The following ADAMTS2 variants were observed in gnomAD, a reference collection of about 807,000 sequenced individuals.
The protein encoded by ADAMTS2 is A disintegrin and metalloproteinase with thrombospondin motifs 2.
In ADAMTS2, 50 loss-of-function variants were observed where a neutral mutation model predicts 123.0. The observed-to-expected ratio is 0.41, with a 90% CI of 0.32 to 0.51. ADAMTS2 has a LOEUF of 0.51. Ranked by LOEUF, ADAMTS2 falls within the 20% of genes least tolerant of loss-of-function variation. ADAMTS2 has a pLI of 0.35. For missense variants in ADAMTS2, 1,494 were observed against 1,705.2 expected, an observed-to-expected ratio of 0.88 and a Z score of 2.18; for synonymous variants, 678 against 695.4, an observed-to-expected ratio of 0.98 and a Z score of 0.39.
At chr5:179,123,205 C>T (rs907415251) in intron 19 of ADAMTS2, among the ~76,000 whole-genome samples, 5 of 152,188 alleles carry the variant, frequency 3.3e-5, no homozygotes, top group Admixed American at 6.5e-5. Context: ...GAGGGTCCAC[C>T]ACTAGTGCCC....
At position 179,115,906 on chromosome 5, in the gene ADAMTS2, G is replaced by A. The variant is rs552360121; in HGVS notation, c.3179-1582C>T. 2.1e-4 allele frequency among the ~76,000 whole-genome samples: 32 copies of A among 152,212 alleles called. No homozygotes were observed. The highest frequency in any genetic ancestry group is 7.5e-4 in the African/African-American group (31 of 41,520). On this transcript the variant is annotated intron_variant, in intron 21 of 21. Coordinates refer to ENST00000251582, the MANE Select transcript of ADAMTS2 (RefSeq NM_014244.5). The surrounding 1 kb of genome is among the most constrained non-coding windows in gnomAD (Gnocchi z 4.4). ...CTGTAATTTTCCCTTAGAAGCTGGT[G>A]ACAGACCACCAGCTCCAAACCCCTG...
intron 5 of ADAMTS2, among the ~76,000 whole-genome samples, chr5:179,171,200 G>C (rs1399685463): frequency 6.6e-6 from 1 of 152,180 alleles, no homozygotes; most frequent in Non-Finnish European, 1.5e-5. Context: ...AAAACAGCCA[G>C]GTCTTTGGCA....
intron 4 of ADAMTS2, among the ~76,000 whole-genome samples, chr5:179,206,444 G>A (rs1046074336): frequency 6.6e-6 from 1 of 152,186 alleles, no homozygotes; most frequent in African/African-American, 2.4e-5. Context: ...CGGCCCCAGA[G>A]GACCTCATTC....
intron 3 of ADAMTS2, among the ~76,000 whole-genome samples, chr5:179,231,857 G>A (rs1765417842): frequency 6.6e-6 from 1 of 150,900 alleles, no homozygotes; most frequent in South Asian, 2.1e-4. Flanking sequence ...AGAGGCTGCA[G>A]TGAGCCATGA....
intron 5 of ADAMTS2, among the ~76,000 whole-genome samples, chr5:179,168,265 CGGGTGGGGGGAG>C: frequency 6.6e-6 from 1 of 152,264 alleles, no homozygotes. Context: ...AAATGTCCCC[CGGGTGGGGGGAG>C]GGGTGGCAAA....
intron 3 of ADAMTS2, among the ~76,000 whole-genome samples, chr5:179,221,956 G>A (rs1484926557): frequency 6.6e-6 from 1 of 152,256 alleles, no homozygotes; most frequent in South Asian, 2.1e-4. Flanking sequence ...CTGGCTGTGG[G>A]ATCTTCTCTC....
chr5:179,231,937 GAAAAAGAA>G (rs1402662200), intron 3 of ADAMTS2, among the ~76,000 whole-genome samples: 17 of 45,532 alleles, frequency 3.7e-4, no homozygotes, highest in Admixed American at 2.9e-3. Flanking sequence ...AAAGAAAAAA[GAAAAAGAA>G]AAAAAAAAAG....
At chr5:179,281,128 G>T (rs1274638624) in intron 2 of ADAMTS2, among the ~76,000 whole-genome samples, 1 of 152,212 alleles carries the variant, frequency 6.6e-6, no homozygotes, top group East Asian at 1.9e-4. Flanking sequence ...AAAGTGCTGG[G>T]ATTACAGGCA....
intron 3 of ADAMTS2, among the ~76,000 whole-genome samples, chr5:179,230,034 C>T (rs1430306476): frequency 3.3e-5 from 5 of 152,212 alleles, no homozygotes; most frequent in Non-Finnish European, 7.3e-5. Context: ...GAGCTATAAG[C>T]CTCTCATGGA....
chr5:179,320,616 C>T (rs1757142676), intron 2 of ADAMTS2, among the ~76,000 whole-genome samples: 1 of 152,080 alleles, frequency 6.6e-6, no homozygotes, highest in Non-Finnish European at 1.5e-5. Context: ...CTGTTCCTGG[C>T]CCACCCTTCT....
chr5:179,329,146 T>C (rs1054375849), intron 2 of ADAMTS2, among the ~76,000 whole-genome samples: 2 of 151,570 alleles, frequency 1.3e-5, no homozygotes, highest in East Asian at 1.9e-4. Context: ...GCTAACACGG[T>C]GAAACCCCGT....
At chr5:179,216,420 T>A (rs909836961) in intron 3 of ADAMTS2, among the ~76,000 whole-genome samples, 3 of 149,222 alleles carry the variant, frequency 2.0e-5, no homozygotes, top group African/African-American at 7.5e-5. Context: ...GTTTCCAGCT[T>A]TCCCCCCACC....
chr5:179,299,203 C>T (rs991321405), intron 2 of ADAMTS2, among the ~76,000 whole-genome samples: 37 of 151,790 alleles, frequency 2.4e-4, no homozygotes, highest in African/African-American at 8.7e-4. Context: ...GTTTGTATAG[C>T]TGTAACAAAT....
chr5:179,291,281 G>T (rs1364566168), intron 2 of ADAMTS2, among the ~76,000 whole-genome samples: 1 of 152,228 alleles, frequency 6.6e-6, no homozygotes, highest in African/African-American at 2.4e-5. Flanking sequence ...GGGCTCTGGT[G>T]TTCAGGGGTG....
intron 3 of ADAMTS2, among the ~76,000 whole-genome samples, chr5:179,255,149 C>T (rs563867705): frequency 2.6e-5 from 4 of 151,518 alleles, no homozygotes; most frequent in East Asian, 1.9e-4. Flanking sequence ...AGTGGGTAGA[C>T]GAATGAATAC....
At chr5:179,286,832 T>C (rs1430084680) in intron 2 of ADAMTS2, among the ~76,000 whole-genome samples, 1 of 152,176 alleles carries the variant, frequency 6.6e-6, no homozygotes, top group Non-Finnish European at 1.5e-5. Flanking sequence ...GCCTCTCTCC[T>C]TGGCTTGTCG....
chr5:179,280,002 C>T (rs548905526), intron 2 of ADAMTS2, among the ~76,000 whole-genome samples: 24 of 152,330 alleles, frequency 1.6e-4, no homozygotes, highest in East Asian at 5.8e-4. Context: ...TCTTGGAGAG[C>T]GACCCCTTGT....
At chr5:179,229,848 T>C (rs1385380493) in intron 3 of ADAMTS2, among the ~76,000 whole-genome samples, 2 of 152,024 alleles carry the variant, frequency 1.3e-5, no homozygotes, top group Admixed American at 6.5e-5. Flanking sequence ...TTTTCACAAC[T>C]CCCCTTTCTC....
In ADAMTS2 at chr5:179,180,970, T is replaced by G. The variant is rs922822369; in HGVS notation, c.975+102A>C. 2.3e-6 allele frequency: 2 copies of G among 884,774 alleles called. No homozygotes were observed. The highest frequency in any genetic ancestry group is 3.7e-5 in the Admixed American group (2 of 53,698). The allele number at this position is 884,774 out of a possible 1,614,324, so 54.8% of individuals were successfully genotyped here. ...GGGGAGCCAGGGAGAGGCAGGGTGG[T>G]TCTGGCAAACGCACACACTCTCCAA... On this transcript the variant is annotated intron_variant, in intron 5 of 21. Transcript: ENST00000251582. The surrounding 1 kb of genome is among the most constrained non-coding windows in gnomAD (Gnocchi z 4.6).
Sources: gnomAD v4.1 joint callset for allele counts (sites outside exome capture counted in the v4.1 genomes callset) on GRCh38, gnomAD v4.1.1 for gene constraint, Gnocchi (gnomAD v3.1) non-coding constraint, MANE v1.5 for transcripts, NCBI Gene and HGNC (gene_info 2026-07-23, HGNC 2026-07-21) for gene names.